STX1B: variants seen among roughly 807,000 people sequenced by gnomAD.
The protein encoded by STX1B is syntaxin 1B, also known as syntaxin-1B.
In STX1B, 7 loss-of-function variants were observed where a neutral mutation model predicts 39.4. The observed-to-expected ratio is 0.18, with a 90% CI of 0.10 to 0.33. The LOEUF (loss-of-function observed/expected upper bound fraction) is 0.33, where lower values mean the gene tolerates loss of function less well. Ranked by LOEUF, STX1B falls within the 10% of genes least tolerant of loss-of-function variation. STX1B has a pLI of 1.00. For synonymous variants in STX1B, 136 were observed against 144.1 expected (o/e 0.94, Z 0.40); for missense variants, 198 against 383.2 (o/e 0.52, Z 4.04).
intron 4 of STX1B, among the ~76,000 whole-genome samples, chr16:30,998,060 G>C (rs80168914): frequency 3.9e-5 from 6 of 152,208 alleles, no homozygotes; most frequent in African/African-American, 1.4e-4. Flanking sequence ...CTCTTTCCCA[G>C]GGGAATTCAA....
In STX1B at chr16:30,997,432, G is replaced by T. The variant is rs2056601103; in HGVS notation, c.354+70C>A. The T allele has an allele frequency of 6.6e-6, 7 of 1,065,938 alleles. No homozygotes were observed. The Admixed American group carries it at 9.4e-5, about 14-fold the overall frequency. 66.0% of individuals were successfully genotyped at this position (1,065,938 alleles called of 1,614,324 possible). A position where few individuals can be genotyped will look rare whatever the true frequency, so the allele number is the denominator to read the frequency against. The stretch of plus-strand genomic sequence containing the variant: ...CCCCGCCGGTGCTTGGCCCTGGCCC[G>T]CCGGCCTCCAGCCTGGGCTCCTCCC... On this transcript the variant is annotated intron_variant, in intron 5 of 9. Coordinates refer to ENST00000215095, the MANE Select transcript of STX1B (RefSeq NM_052874.5).
At chr16:31,003,443 T>A (rs1001668098) in intron 1 of STX1B, among the ~76,000 whole-genome samples, 1 of 152,122 alleles carries the variant, frequency 6.6e-6, no homozygotes, top group Non-Finnish European at 1.5e-5. Flanking sequence ...AAAATCCAGC[T>A]GTGCTACAAG....
Position 31,001,098 on chromosome 16 carries a change from A to T in STX1B, c.201T>A (p.Asp67Glu), listed in dbSNP as rs1320688353. ...HSAILAAPNP[D>E]EKTKQELEDL... The stretch of plus-strand genomic sequence containing the variant: ...GTCACCGGCAGCCACACTCACTCTC[A>T]TCTGGGTTGGGTGCGGCCAGGATGG... The change falls in exon 3 of 10, where the codon GAT becomes GAA. Residue 67 changes from aspartate (D) to glutamate (E), a missense_variant. By Grantham distance (45) the Asp-to-Glu change is conservative (BLOSUM62 2). Coordinates refer to ENST00000215095, the MANE Select transcript of STX1B (RefSeq NM_052874.5). This position sits in a 1 kb window ranked among gnomAD's most constrained non-coding sequence, Gnocchi z 5.5. 6.2e-7 allele frequency: 1 copy of T among 1,614,090 alleles called. No individual in the cohort carries two copies. The highest frequency in any genetic ancestry group is 8.5e-7 in the Non-Finnish European group (1 of 1,179,980).
At position 31,010,590 on chromosome 16, in the gene STX1B, C is replaced by A. The variant is rs2056676703; in HGVS notation, c.-194G>T. 1 of 158,966 alleles carries A rather than the reference C, an allele frequency of 6.3e-6. No individual in the cohort carries two copies. The highest frequency in any genetic ancestry group is 1.3e-5 in the Non-Finnish European group (1 of 76,704). 9.8% of individuals were successfully genotyped at this position (158,966 alleles called of 1,614,324 possible). On this transcript the variant is annotated 5_prime_UTR_variant, in exon 1 of 10. Transcript: ENST00000215095. ...CAGGGGCAGGGGCCTGGGCCGGGCT[C>A]GGCTCTGCCGGGCTGCGGTGGCGAT...
Position 30,990,575 on chromosome 16 carries a change from C to A in STX1B, c.*2246G>T, listed in dbSNP as rs2056549052. ...ATACAATGCACACACACGTACGCTTCACATGACCTGGGACCCTGGGGTCCG... is the reference window on the plus strand; with the variant it reads ...ATACAATGCACACACACGTACGCTTAACATGACCTGGGACCCTGGGGTCCG... On this transcript the variant is annotated 3_prime_UTR_variant, in exon 10 of 10. Coordinates refer to ENST00000215095, the MANE Select transcript of STX1B (RefSeq NM_052874.5). 6.6e-6 allele frequency: 1 copy of A among 152,326 alleles called. No homozygotes were observed. The highest frequency in any genetic ancestry group is 1.9e-4 in the East Asian group (1 of 5,202). The allele number at this position is 152,326 out of a possible 1,614,324, so 9.4% of individuals were successfully genotyped here. A position where few individuals can be genotyped will look rare whatever the true frequency, so the allele number is the denominator to read the frequency against.
chr16:30,989,357 G>T lies in STX1B; in HGVS notation c.*3464C>A, dbSNP rs947192427. The T allele has an allele frequency of 1.3e-5, 2 of 152,104 alleles. No individual in the cohort carries two copies. The highest frequency in any genetic ancestry group is 4.8e-5 in the African/African-American group (2 of 41,354). 9.4% of individuals were successfully genotyped at this position (152,104 alleles called of 1,614,324 possible). On this transcript the variant is annotated 3_prime_UTR_variant, in exon 10 of 10. Transcript: ENST00000215095. ...GGACAGGACATGCAGGGAGGAAGGG[G>T]GGGGCAGGATTTTCCTGTGTTTTAT...
chr16:31,001,997 C>T lies in STX1B; in HGVS notation c.31-394G>A, dbSNP rs571341090. Among the ~76,000 whole-genome samples, 1 of 152,262 alleles carries T rather than the reference C, an allele frequency of 6.6e-6. No individual in the cohort carries two copies. Among genetic ancestry groups the T allele is most frequent in the African/African-American group, 2.4e-5 (1 of 41,550 alleles). ...AGCCTGGATCTCCCTACTGTTCCTG[C>T]TCTCCTGCCCAGATCTCACTTTACT... On this transcript the variant is annotated intron_variant, in intron 1 of 9. Coordinates refer to ENST00000215095, the MANE Select transcript of STX1B (RefSeq NM_052874.5). This position sits in a 1 kb window ranked among gnomAD's most constrained non-coding sequence, Gnocchi z 5.5.
intron 7 of STX1B, 21 bp from the exon 8 acceptor site, chr16:30,993,505 G>A (rs2056574672): frequency 2.5e-6 from 4 of 1,612,306 alleles, no homozygotes; most frequent in African/African-American, 1.3e-5. Flanking sequence ...GAGGGAGAGA[G>A]CTACAATCAC....
At chr16:31,006,040 G>A (rs2056653544) in intron 1 of STX1B, among the ~76,000 whole-genome samples, 1 of 152,200 alleles carries the variant, frequency 6.6e-6, no homozygotes. Context: ...CAGATGGTGA[G>A]ACGGTGACAA....
At chr16:31,006,065 C>T (rs1315432987) in intron 1 of STX1B, among the ~76,000 whole-genome samples, 1 of 152,156 alleles carries the variant, frequency 6.6e-6, no homozygotes, top group Non-Finnish European at 1.5e-5. Context: ...ACAGAGGCGG[C>T]AAGAGACTGG....
chr16:31,007,876 T>G (rs2056662502), intron 1 of STX1B, among the ~76,000 whole-genome samples: 1 of 152,146 alleles, frequency 6.6e-6, no homozygotes, highest in African/African-American at 2.4e-5. Flanking sequence ...GCACTCTTAC[T>G]TCTCCCAACT....
intron 1 of STX1B, among the ~76,000 whole-genome samples, chr16:31,003,970 G>A (rs182198117): frequency 6.6e-6 from 1 of 152,132 alleles, no homozygotes; most frequent in Non-Finnish European, 1.5e-5. Context: ...GCCACATAGG[G>A]CCAGAAAACC....
chr16:30,992,986 G>C, intron 9 of STX1B, 85 bp from the exon 10 acceptor site: 1 of 1,367,022 alleles, frequency 7.3e-7, no homozygotes, highest in Non-Finnish European at 1.0e-6. Flanking sequence ...GGCAGAGGGT[G>C]GCAGGGAGAA....
At position 31,010,368 on chromosome 16, in the gene STX1B, CTCCGCAGCTCTTGAG is replaced by C; in HGVS notation, c.14_28del (p.Thr5_Arg9del). 1 of 1,478,584 alleles carries C rather than the reference CTCCGCAGCTCTTGAG, an allele frequency of 6.8e-7. No homozygotes were observed. Among genetic ancestry groups the C allele is most frequent in the Non-Finnish European group, 9.1e-7 (1 of 1,095,842 alleles). The allele number at this position is 1,478,584 out of a possible 1,614,324, so 91.6% of individuals were successfully genotyped here. ...CATTCTCCCCACCCCCAAGCTCACA[CTCCGCAGCTCTTGAG>C]TCCGATCCTTCATCCTGCGACGGCT... On this transcript the variant is annotated inframe_deletion and splice_region_variant, in exon 1 of 10. Transcript: ENST00000215095.
rs377186227 is a variant in STX1B at position 30,992,582 on chromosome 16, G to A, written c.*239C>T. 22 of 485,880 alleles carry A rather than the reference G, an allele frequency of 4.5e-5. 1 individual carries two copies. The Middle Eastern group carries it at 1.6e-3, about 35-fold the overall frequency. The allele number at this position is 485,880 out of a possible 1,614,324, so 30.1% of individuals were successfully genotyped here. ...TGTCCACACGTCTCGAGCATGTGCC[G>A]GCGGCATGCATGTTGGTGTGCATGT... is the stretch of plus-strand genomic sequence containing the variant. On this transcript the variant is annotated 3_prime_UTR_variant, in exon 10 of 10. Coordinates refer to ENST00000215095, the MANE Select transcript of STX1B (RefSeq NM_052874.5).
intron 1 of STX1B, among the ~76,000 whole-genome samples, chr16:31,005,895 C>T (rs962990429): frequency 6.6e-6 from 1 of 152,056 alleles, no homozygotes; most frequent in Non-Finnish European, 1.5e-5. Context: ...TCAGGGGCCC[C>T]CTAAGTCCAG....
In STX1B at chr16:30,993,123, C is replaced by A; in HGVS notation, c.786+7G>T. The A allele has an allele frequency of 6.2e-7, 1 of 1,613,828 alleles. No individual in the cohort carries two copies. Among genetic ancestry groups the A allele is most frequent in the Non-Finnish European group, 8.5e-7 (1 of 1,179,684 alleles). ...CCGCCTACCCCCAGGCCGCCTGCCCCGCTCACCCTCCGGGCCTTGCTCTGA... is the reference window on the plus strand; with the variant it reads ...CCGCCTACCCCCAGGCCGCCTGCCCAGCTCACCCTCCGGGCCTTGCTCTGA... On this transcript the variant is annotated splice_region_variant and intron_variant, in intron 9 of 9. Transcript: ENST00000215095.
At chr16:31,003,705 ATT>A (rs1223360571) in intron 1 of STX1B, among the ~76,000 whole-genome samples, 1 of 152,236 alleles carries the variant, frequency 6.6e-6, no homozygotes, top group Non-Finnish European at 1.5e-5. Context: ...TGGGCTACCT[ATT>A]TGTTTGCCCT....
rs755006677 is a variant in STX1B, at chr16:30,997,478, C to T, written c.354+24G>A. The T allele has an allele frequency of 2.5e-6, 4 of 1,587,146 alleles. No homozygotes were observed. In the East Asian group the frequency reaches 9.1e-5, roughly 36 times the overall value. On this transcript the variant is annotated intron_variant, in intron 5 of 9. Coordinates refer to ENST00000215095, the MANE Select transcript of STX1B (RefSeq NM_052874.5). ...CTCCCGAGCTGGGTCCCGACCCGAC[C>T]CCCAATGGGCTGCCGCCTCCTACCT... is the stretch of plus-strand genomic sequence containing the variant.
Sources: allele counts gnomAD v4.1 joint callset (sites outside exome capture counted in the v4.1 genomes callset), GRCh38; gene constraint gnomAD v4.1.1; non-coding constraint Gnocchi (gnomAD v3.1); transcripts MANE v1.5; gene names NCBI Gene and HGNC (gene_info 2026-07-23, HGNC 2026-07-21).